Variants in MUC13 observed in about 807,000 individuals in gnomAD.
MUC13 encodes mucin-13.
MUC13 carries 32 observed loss-of-function variants against 48.3 expected under a neutral mutation model. That is an observed-to-expected ratio of 0.66 (90% CI 0.50 to 0.89). The LOEUF (loss-of-function observed/expected upper bound fraction) is 0.89. MUC13 is among the 40% of genes least tolerant of loss of function. The pLI, the probability that MUC13 is intolerant of heterozygous loss-of-function variation, is 0.00. For missense variants in MUC13, 571 were observed against 622.8 expected, an observed-to-expected ratio of 0.92 and a Z score of 0.88; for synonymous variants, 199 against 224.9, an observed-to-expected ratio of 0.88 and a Z score of 1.03.
At chr3:124,920,080 C>T (rs1424775188) in intron 5 of MUC13, 154 bp downstream of exon 5, 4 of 724,726 alleles carry the variant, frequency 5.5e-6, no homozygotes, top group Admixed American at 5.7e-5. Flanking sequence ...CCAAGGCACA[C>T]AGTCCCCTTT....
intron 10 of MUC13, among the ~76,000 whole-genome samples, chr3:124,909,309 C>T (rs556674272): frequency 4.3e-4 from 65 of 152,156 alleles, no homozygotes; most frequent in African/African-American, 1.5e-3. Flanking sequence ...AAGTGGATCC[C>T]CACTTGGCAC....
At chr3:124,930,623 C>T (rs970458369) in intron 1 of MUC13, among the ~76,000 whole-genome samples, 6 of 152,310 alleles carry the variant, frequency 3.9e-5, no homozygotes, top group East Asian at 1.9e-4. Context: ...GATAGCACAA[C>T]GTCCACAGAG....
At chr3:124,931,430 CAAA>C (rs777579637) in intron 1 of MUC13, among the ~76,000 whole-genome samples, 1 of 85,858 alleles carries the variant, frequency 1.2e-5, no homozygotes. Context: ...GACTCTGTCT[CAAA>C]AAAAAAAAAA....
chr3:124,925,255 T>A (rs7432659), intron 2 of MUC13, among the ~76,000 whole-genome samples: 35,886 of 152,076 alleles, frequency 0.24, 4,357 homozygotes, highest in South Asian at 0.3. Flanking sequence ...ACTATATGAC[T>A]TTCTGGAAAA....
intron 6 of MUC13, among the ~76,000 whole-genome samples, chr3:124,915,605 A>G (rs1370093679): frequency 6.6e-6 from 1 of 152,182 alleles, no homozygotes; most frequent in African/African-American, 2.4e-5. Flanking sequence ...TAAATAAATG[A>G]TGGTTGTTTT....
At chr3:124,918,013 G>A (rs964835393) in intron 5 of MUC13, among the ~76,000 whole-genome samples, 4 of 152,138 alleles carry the variant, frequency 2.6e-5, no homozygotes, top group Admixed American at 6.6e-5. Context: ...TATAAATGAC[G>A]AGGGCACTAG....
chr3:124,932,002 G>A (rs1246618127), intron 1 of MUC13, among the ~76,000 whole-genome samples: 6 of 151,846 alleles, frequency 4.0e-5, no homozygotes, highest in Admixed American at 3.3e-4. Flanking sequence ...CCAAGATGGC[G>A]CCATTGCACT....
At chr3:124,910,387 A>T (rs749165944) in intron 10 of MUC13, 28 bp downstream of exon 10, 15 of 1,585,618 alleles carry the variant, frequency 9.5e-6, no homozygotes, top group Middle Eastern at 1.7e-4. Context: ...AAAAAAAAAA[A>T]TTTAAAAAGG....
At chr3:124,916,534 T>G (rs768328459) in intron 5 of MUC13, 54 bp from the exon 6 acceptor site, 9 of 1,533,574 alleles carry the variant, frequency 5.9e-6, no homozygotes, top group Non-Finnish European at 8.0e-6. Flanking sequence ...AATCAACAAA[T>G]AATTCTAATC....
At chr3:124,933,870 G>A (rs1292084678) in intron 1 of MUC13, among the ~76,000 whole-genome samples, 1 of 152,114 alleles carries the variant, frequency 6.6e-6, no homozygotes, top group Admixed American at 6.6e-5. Context: ...TCAACATACT[G>A]CTGACCTCAC....
chr3:124,918,247 G>C (rs574637224), intron 5 of MUC13, among the ~76,000 whole-genome samples: 4 of 152,270 alleles, frequency 2.6e-5, no homozygotes, highest in African/African-American at 9.6e-5. Flanking sequence ...AGATAATTTT[G>C]GGCTGGAGCC....
intron 1 of MUC13, among the ~76,000 whole-genome samples, chr3:124,931,996 G>C (rs552361328): frequency 6.6e-6 from 1 of 152,004 alleles, no homozygotes; most frequent in Non-Finnish European, 1.5e-5. Flanking sequence ...AGTGAGCCAA[G>C]ATGGCGCCAT....
chr3:124,914,562 C>T (rs1277017597), intron 6 of MUC13, among the ~76,000 whole-genome samples: 2 of 152,138 alleles, frequency 1.3e-5, no homozygotes, highest in East Asian at 3.9e-4. Context: ...GATTAAAAGC[C>T]TAGAGCAAGA....
At chr3:124,913,065 C>T in intron 8 of MUC13, 46 bp downstream of exon 8, 1 of 1,601,428 alleles carries the variant, frequency 6.2e-7, no homozygotes, top group African/African-American at 1.3e-5. Flanking sequence ...CTCTACTTTG[C>T]CTAGCTCCAG....
chr3:124,915,882 T>A (rs1357740228), intron 6 of MUC13, among the ~76,000 whole-genome samples: 1 of 152,204 alleles, frequency 6.6e-6, no homozygotes, highest in Non-Finnish European at 1.5e-5. Context: ...TTTGCCATGT[T>A]GCCCAGGCTG....
At chr3:124,926,685 T>C (rs1429828251) in intron 2 of MUC13, among the ~76,000 whole-genome samples, 1 of 152,228 alleles carries the variant, frequency 6.6e-6, no homozygotes, top group African/African-American at 2.4e-5. Context: ...ATCTAGATTC[T>C]TTAGGCTCTA....
chr3:124,910,272 G>A, intron 10 of MUC13, 143 bp downstream of exon 10: 1 of 1,120,688 alleles, frequency 8.9e-7, no homozygotes, highest in Non-Finnish European at 1.2e-6. Context: ...GATGGCTCAT[G>A]CCTGTAATCC....
chr3:124,934,646 A>G lies in MUC13; in HGVS notation c.52+15T>C. ...TACATGATTGGAAGAATTAAAATGT[A>G]AAAATATTCCTTACCTGTGTTTACA... On this transcript the variant is annotated intron_variant, in intron 1 of 11. Transcript: ENST00000616727. 6.3e-7 allele frequency: 1 copy of G among 1,580,592 alleles called. No homozygotes were observed. The highest frequency in any genetic ancestry group is 8.7e-7 in the Non-Finnish European group (1 of 1,150,068).
chr3:124,915,182 G>C (rs1935490261), intron 6 of MUC13, among the ~76,000 whole-genome samples: 1 of 152,196 alleles, frequency 6.6e-6, no homozygotes, highest in Admixed American at 6.5e-5. Context: ...TCCCGGGACT[G>C]GCCCCAGTGG....
Sources: allele counts gnomAD v4.1 joint callset (sites outside exome capture counted in the v4.1 genomes callset), GRCh38; gene constraint gnomAD v4.1.1; transcripts MANE v1.5; gene names NCBI Gene and HGNC (gene_info 2026-07-23, HGNC 2026-07-21).